Variants in ZNF254 observed in about 807,000 individuals in gnomAD.
The protein encoded by ZNF254 is CTD-2017D11.1.
ZNF254 carries 10 observed loss-of-function variants against 12.4 expected under a neutral mutation model. That is an observed-to-expected ratio of 0.80 (90% confidence interval 0.50 to 1.36). The LOEUF (loss-of-function observed/expected upper bound fraction) is 1.36, where lower values mean the gene tolerates loss of function less well. ZNF254 is among the 40% of genes most tolerant of loss of function. ZNF254 has a pLI of 0.00. For synonymous variants in ZNF254, 305 were observed against 253.4 expected, an observed-to-expected ratio of 1.20 and a Z score of -1.93; for missense variants, 996 against 763.9, an observed-to-expected ratio of 1.30 and a Z score of -3.58.
chr19:24,094,727 C>T (rs925207324), intron 1 of ZNF254, among the ~76,000 whole-genome samples: 3 of 151,888 alleles, frequency 2.0e-5, no homozygotes, highest in Non-Finnish European at 4.4e-5. Context: ...CACTTTGTCT[C>T]CCAGGCTGGA....
intron 2 of ZNF254, among the ~76,000 whole-genome samples, chr19:24,062,107 AAG>A (rs1555754544): frequency 9.3e-5 from 14 of 151,208 alleles, no homozygotes; most frequent in African/African-American, 3.2e-4. Context: ...AAAAAAGAAA[AAG>A]AAAAAGGAGT....
chr19:24,041,748 G>T lies in ZNF254; in HGVS notation c.-189-4436G>T, dbSNP rs199951825. Among the ~76,000 whole-genome samples the T allele has an allele frequency of 1.6e-3, 248 of 152,388 alleles. 5 individuals are homozygous for T. The East Asian group carries it at 0.04, about 24-fold the overall frequency. ...CAGCTTCACCTGCAGCCCCGGTGCG[G>T]GATCCACTAGGTGAAGCCAGCTGGG... On this transcript the variant is annotated intron_variant, in intron 1 of 4. Transcript: ENST00000613065.
upstream of ZNF254, among the ~76,000 whole-genome samples, chr19:24,083,017 G>A (rs1971905979): frequency 6.6e-6 from 1 of 152,132 alleles, no homozygotes; most frequent in Non-Finnish European, 1.5e-5. Flanking sequence ...TGGTAAAGAG[G>A]TAGTCAAATT....
intron 2 of ZNF254, among the ~76,000 whole-genome samples, chr19:24,051,999 C>T (rs775868996): frequency 1.8e-4 from 27 of 152,106 alleles, no homozygotes; most frequent in Non-Finnish European, 2.9e-4. Flanking sequence ...GGGCCTTCCC[C>T]GGAATGGGTA....
intron 1 of ZNF254, chr19:24,103,798 C>A (rs901058766): frequency 6.6e-6 from 1 of 152,072 alleles, no homozygotes; most frequent in East Asian, 1.9e-4. Flanking sequence ...AATCTCGGCT[C>A]ACTGCAACCT....
At chr19:24,050,242 C>T (rs1212910297) in intron 2 of ZNF254, among the ~76,000 whole-genome samples, 2 of 152,080 alleles carry the variant, frequency 1.3e-5, no homozygotes, top group African/African-American at 2.4e-5. Flanking sequence ...TCACTTCAAC[C>T]TTTGCCTCCT....
intron 3 of ZNF254, among the ~76,000 whole-genome samples, chr19:24,108,972 G>A (rs1973499212): frequency 6.6e-6 from 1 of 152,106 alleles, no homozygotes; most frequent in African/African-American, 2.4e-5. Context: ...TGGCTAACAC[G>A]ATGAAACCCC....
At chr19:24,108,106 G>A (rs1212705805) in intron 3 of ZNF254, among the ~76,000 whole-genome samples, 12 of 152,174 alleles carry the variant, frequency 7.9e-5, no homozygotes, top group Admixed American at 7.2e-4. Context: ...AGGATTTTCC[G>A]AGGTAACTTT....
chr19:24,083,622 G>A (rs1431840460), upstream of ZNF254, among the ~76,000 whole-genome samples: 1 of 152,140 alleles, frequency 6.6e-6, no homozygotes, highest in Admixed American at 6.5e-5. Context: ...TTGGCAAAGC[G>A]TAGATGACCA....
intron 2 of ZNF254, among the ~76,000 whole-genome samples, chr19:24,049,974 G>A (rs1392823650): frequency 6.6e-6 from 1 of 151,786 alleles, no homozygotes; most frequent in Non-Finnish European, 1.5e-5. Flanking sequence ...ACATGTCACT[G>A]GGCCTAATAC....
At chr19:24,068,393 TG>T (rs763182646) in intron 2 of ZNF254, among the ~76,000 whole-genome samples, 1 of 152,064 alleles carries the variant, frequency 6.6e-6, no homozygotes, top group Non-Finnish European at 1.5e-5. Flanking sequence ...ATCTGCCTCC[TG>T]GGTTCAAGCA....
In ZNF254 at chr19:24,127,380, A is replaced by G. The variant is rs1599777456; in HGVS notation, c.1380A>G (p.Lys460=). Residue 460 remains lysine, a synonymous_variant, in exon 4 of 4, where the codon AAA becomes AAG. Coordinates refer to ENST00000357002, the MANE Select transcript of ZNF254 (RefSeq NM_203282.4). ...ATAAGAGAATTCATACTAGAGAGAAACCCTACAAATGTGAAGAATGTGGCA... is the reference window on the plus strand; with the variant it reads ...ATAAGAGAATTCATACTAGAGAGAAGCCCTACAAATGTGAAGAATGTGGCA... ...TKHKRIHTRE[K]PYKCEECGKA... The G allele has an allele frequency of 1.2e-6, 2 of 1,612,238 alleles. No homozygotes were observed. The highest frequency in any genetic ancestry group is 4.5e-5 in the East Asian group (2 of 44,754).
intron 2 of ZNF254, among the ~76,000 whole-genome samples, chr19:24,061,691 A>ATAT (rs1320420845): frequency 6.6e-6 from 1 of 152,208 alleles, no homozygotes; most frequent in Non-Finnish European, 1.5e-5. Context: ...GGTTGGTAAC[A>ATAT]TATATCTCGG....
intron 3 of ZNF254, among the ~76,000 whole-genome samples, chr19:24,115,632 A>T (rs962049500): frequency 6.6e-6 from 1 of 152,018 alleles, no homozygotes; most frequent in Admixed American, 6.6e-5. Flanking sequence ...TATGTAACTA[A>T]CCTGCACATT....
intron 3 of ZNF254, among the ~76,000 whole-genome samples, chr19:24,112,954 A>C (rs1199755106): frequency 6.6e-6 from 1 of 152,240 alleles, no homozygotes; most frequent in Non-Finnish European, 1.5e-5. Context: ...ATTCCTTGAC[A>C]CATACACTCT....
chr19:24,106,652 G>GAGTGAA lies in ZNF254; in HGVS notation c.253+10_253+15dup. On this transcript the variant is annotated intron_variant, in intron 3 of 3. Transcript: ENST00000357002. ...GGTGGATGAACCCCCAGGTAGGTGA[G>GAGTGAA]AGTGAATACAACAGATGACATGGAT... The GAGTGAA allele has an allele frequency of 6.4e-7, 1 of 1,574,790 alleles. No individual in the cohort carries two copies. The highest frequency in any genetic ancestry group is 1.1e-5 in the South Asian group (1 of 90,484).
At chr19:24,043,495 C>A (rs1375861204) in intron 1 of ZNF254, among the ~76,000 whole-genome samples, 2 of 152,130 alleles carry the variant, frequency 1.3e-5, no homozygotes, top group Admixed American at 6.5e-5. Context: ...CTCCTGACCT[C>A]AGGTGATCCA....
chr19:24,078,512 T>C (rs1464607311), intron 2 of ZNF254: 1 of 152,236 alleles, frequency 6.6e-6, no homozygotes, highest in Non-Finnish European at 1.5e-5. Flanking sequence ...AATTAAAATA[T>C]ATATTCAGGG....
intron 1 of ZNF254, among the ~76,000 whole-genome samples, chr19:24,041,146 C>T (rs1287719660): frequency 6.6e-6 from 1 of 152,260 alleles, no homozygotes; most frequent in East Asian, 1.9e-4. Flanking sequence ...GAGGTGACAG[C>T]GTGCTGGCAG....
Sources: allele counts gnomAD v4.1 joint callset (sites outside exome capture counted in the v4.1 genomes callset), GRCh38; gene constraint gnomAD v4.1.1; transcripts MANE v1.5; gene names NCBI Gene and HGNC (gene_info 2026-07-23, HGNC 2026-07-21).